Variants in GUCY1A2 observed in about 807,000 individuals in gnomAD.
GUCY1A2 encodes guanylate cyclase 1 soluble subunit alpha 2.
Under a neutral mutation model 63.5 loss-of-function variants are expected in GUCY1A2, and 27 were observed. The observed-to-expected ratio is 0.43, with a 90% confidence interval of 0.31 to 0.59. GUCY1A2 has a LOEUF of 0.59. Among genes scored for constraint, GUCY1A2 ranks in the 20% least tolerant of loss-of-function variants. The pLI, the probability that GUCY1A2 is intolerant of heterozygous loss-of-function variation, is 0.11. For missense variants in GUCY1A2, 768 were observed against 913.3 expected (o/e 0.84, Z 2.05); for synonymous variants, 364 against 343.5 (o/e 1.06, Z -0.66).
Position 106,676,664 on chromosome 11 carries a change from G to A in GUCY1A2, c.*10885C>T, listed in dbSNP as rs538328796. On this transcript the variant is annotated 3_prime_UTR_variant, in exon 8 of 8. Coordinates refer to ENST00000526355, the MANE Select transcript of GUCY1A2 (RefSeq NM_000855.3). ...AGTGCATCAGTTATCTCTAGATAAA[G>A]AGCCAGTAAAATCAAGTTGCATTTG... The A allele has an allele frequency of 1.1e-4, 22 of 191,850 alleles. No homozygotes were observed. In the East Asian group the frequency reaches 1.8e-3, roughly 16 times the overall value. The allele number at this position is 191,850 out of a possible 1,614,324, so 11.9% of individuals were successfully genotyped here. A position where few individuals can be genotyped will look rare whatever the true frequency, so the allele number is the denominator to read the frequency against.
intron 6 of GUCY1A2, among the ~76,000 whole-genome samples, chr11:106,764,686 G>A (rs1390285837): frequency 2.0e-5 from 3 of 152,014 alleles, no homozygotes; most frequent in Non-Finnish European, 4.4e-5. Context: ...GAGTGCTCAC[G>A]CACTCTAGCT....
intron 1 of GUCY1A2, among the ~76,000 whole-genome samples, chr11:106,998,339 AG>A (rs1240519828): frequency 3.9e-5 from 6 of 152,190 alleles, no homozygotes; most frequent in Non-Finnish European, 7.4e-5. Flanking sequence ...CTGCTTACAG[AG>A]GAGAGGAAAT....
In GUCY1A2 at chr11:106,683,155, T is replaced by C. The variant is rs537814057; in HGVS notation, c.*4394A>G. On this transcript the variant is annotated 3_prime_UTR_variant, in exon 8 of 8. Transcript: ENST00000526355. ...TTAGAAATATGTTAAACTTCAATAA[T>C]TCAGTCTCATGCATCATGATTTTTG... 1 of 215,404 alleles carries C rather than the reference T, an allele frequency of 4.6e-6. No homozygotes were observed. Among genetic ancestry groups the C allele is most frequent in the East Asian group, 6.9e-5 (1 of 14,458 alleles). The allele number at this position is 215,404 out of a possible 1,614,324, so 13.3% of individuals were successfully genotyped here.
Position 106,674,988 on chromosome 11 carries a change from A to G in GUCY1A2, c.*12561T>C, listed in dbSNP as rs117692605. On this transcript the variant is annotated 3_prime_UTR_variant, in exon 8 of 8. Transcript: ENST00000526355. ...ATTTTATGCATTGAAGTGAGTATTA[A>G]TAGGATTATTACTATTAGGATATTA... is the stretch of plus-strand genomic sequence containing the variant. 2,912 of 213,564 alleles carry G rather than the reference A, an allele frequency of 0.014. 29 individuals carry two copies. Among genetic ancestry groups the G allele is most frequent in the Middle Eastern group, 0.019 (13 of 672 alleles). The allele number at this position is 213,564 out of a possible 1,614,324, so 13.2% of individuals were successfully genotyped here. A position where few individuals can be genotyped will look rare whatever the true frequency, so the allele number is the denominator to read the frequency against.
rs530299644 is a variant in GUCY1A2 at position 106,693,160 on chromosome 11, A to G, written c.1992-5404T>C. ...GAAGGGCAAAGGAAGAGGCAGTAGA[A>G]TCTGATGCATCTTGTAGAGGGGTAG... On this transcript the variant is annotated intron_variant, in intron 7 of 7. Coordinates refer to ENST00000526355, the MANE Select transcript of GUCY1A2 (RefSeq NM_000855.3). Among the ~76,000 whole-genome samples, 3 of 152,320 alleles carry G rather than the reference A, an allele frequency of 2.0e-5. No homozygotes were observed. In the East Asian group the frequency reaches 5.8e-4, roughly 29 times the overall value.
chr11:106,903,200 T>A (rs773268325), intron 4 of GUCY1A2, among the ~76,000 whole-genome samples: 10 of 152,062 alleles, frequency 6.6e-5, no homozygotes, highest in Admixed American at 2.0e-4. Context: ...TTATTACATC[T>A]TCTGAAATGA....
At chr11:106,900,999 C>A (rs536011796) in intron 4 of GUCY1A2, among the ~76,000 whole-genome samples, 1 of 152,128 alleles carries the variant, frequency 6.6e-6, no homozygotes, top group African/African-American at 2.4e-5. Flanking sequence ...TATTGATTGA[C>A]CCTTACTTTA....
At chr11:106,760,441 G>C (rs1336734492) in intron 6 of GUCY1A2, among the ~76,000 whole-genome samples, 1 of 152,138 alleles carries the variant, frequency 6.6e-6, no homozygotes, top group African/African-American at 2.4e-5. Context: ...TTCAAGGAAT[G>C]ATACATAAAA....
chr11:106,973,363 G>C (rs1162617019), intron 3 of GUCY1A2, among the ~76,000 whole-genome samples: 2 of 152,024 alleles, frequency 1.3e-5, no homozygotes, highest in Non-Finnish European at 2.9e-5. Flanking sequence ...TGTTGTGATG[G>C]GAAACACCAT....
chr11:106,683,941 G>T lies in GUCY1A2; in HGVS notation c.*3608C>A. ...TGGTGGGGTTTTCAGAATTCTCCAT[G>T]GCTTTGCCTTTTGTTATCTATCAAT... is the stretch of plus-strand genomic sequence containing the variant. On this transcript the variant is annotated 3_prime_UTR_variant, in exon 8 of 8. Transcript: ENST00000526355. The T allele has an allele frequency of 5.0e-6, 1 of 201,778 alleles. No individual in the cohort carries two copies. Among genetic ancestry groups the T allele is most frequent in the Non-Finnish European group, 1.0e-5 (1 of 97,946 alleles). 12.5% of individuals were successfully genotyped at this position (201,778 alleles called of 1,614,324 possible).
intron 4 of GUCY1A2, among the ~76,000 whole-genome samples, chr11:106,848,015 ATTAC>A (rs1438856751): frequency 2.6e-5 from 4 of 151,630 alleles, no homozygotes; most frequent in African/African-American, 7.2e-5. Flanking sequence ...CTGGACACTG[ATTAC>A]TTAAAGTAAC....
At chr11:106,744,779 T>C (rs1863758096) in intron 6 of GUCY1A2, among the ~76,000 whole-genome samples, 1 of 152,138 alleles carries the variant, frequency 6.6e-6, no homozygotes, top group African/African-American at 2.4e-5. Context: ...TATATTATGA[T>C]CCATATAAAA....
chr11:106,840,405 T>C (rs1348947323), intron 4 of GUCY1A2, among the ~76,000 whole-genome samples: 2 of 151,970 alleles, frequency 1.3e-5, no homozygotes, highest in Non-Finnish European at 2.9e-5. Flanking sequence ...TAAACGCTTC[T>C]AGCTCAAGAG....
At chr11:106,744,436 AG>A (rs1863752043) in intron 6 of GUCY1A2, among the ~76,000 whole-genome samples, 1 of 152,004 alleles carries the variant, frequency 6.6e-6, no homozygotes, top group South Asian at 2.1e-4. Context: ...TAGTAGAGAC[AG>A]GGTTTCACCA....
chr11:107,008,403 C>T (rs1302664160), intron 1 of GUCY1A2, among the ~76,000 whole-genome samples: 3 of 151,702 alleles, frequency 2.0e-5, no homozygotes, highest in African/African-American at 4.8e-5. Flanking sequence ...AAAATCTTAA[C>T]GCATTCTAAA....
chr11:106,722,204 T>A (rs965171325), intron 6 of GUCY1A2, among the ~76,000 whole-genome samples: 1 of 152,078 alleles, frequency 6.6e-6, no homozygotes, highest in Non-Finnish European at 1.5e-5. Flanking sequence ...TTTGTATTCC[T>A]CAAGATTTGC....
intron 3 of GUCY1A2, among the ~76,000 whole-genome samples, chr11:106,948,678 A>G (rs758415924): frequency 6.6e-6 from 1 of 152,160 alleles, no homozygotes; most frequent in Non-Finnish European, 1.5e-5. Flanking sequence ...TGAGATATGA[A>G]AATAAAATAA....
At chr11:106,739,142 C>G (rs1863644149) in intron 6 of GUCY1A2, among the ~76,000 whole-genome samples, 1 of 151,988 alleles carries the variant, frequency 6.6e-6, no homozygotes, top group Non-Finnish European at 1.5e-5. Context: ...GTATTTTATT[C>G]TCTTTGTAGC....
chr11:106,927,062 A>C (rs1304751670), intron 4 of GUCY1A2, among the ~76,000 whole-genome samples: 1 of 151,788 alleles, frequency 6.6e-6, no homozygotes, highest in Non-Finnish European at 1.5e-5. Context: ...AAATCTTTGA[A>C]ATACATAATC....
Sources: gnomAD v4.1 joint callset for allele counts (sites outside exome capture counted in the v4.1 genomes callset) on GRCh38, gnomAD v4.1.1 for gene constraint, MANE v1.5 for transcripts, NCBI Gene and HGNC (gene_info 2026-07-23, HGNC 2026-07-21) for gene names.